Variants in CPNE8 observed in about 807,000 individuals in gnomAD.
CPNE8 encodes copine 8, also known as copine-8.
Under a neutral mutation model 81.5 loss-of-function variants are expected in CPNE8, and 45 were observed. The observed-to-expected ratio is 0.55, with a 90% CI of 0.44 to 0.71. The LOEUF (loss-of-function observed/expected upper bound fraction) is 0.71. CPNE8 is among the 30% of genes least tolerant of loss of function. CPNE8 has a pLI of 0.00. For missense variants in CPNE8, 594 were observed against 672.1 expected, an observed-to-expected ratio of 0.88 and a Z score of 1.28; for synonymous variants, 252 against 226.3, an observed-to-expected ratio of 1.11 and a Z score of -1.02.
chr12:38,783,743 C>T (rs989766628), intron 6 of CPNE8, among the ~76,000 whole-genome samples: 7 of 152,192 alleles, frequency 4.6e-5, no homozygotes, highest in Non-Finnish European at 1.0e-4. Flanking sequence ...ATCCAAAGAA[C>T]TCTTACAGAT....
At chr12:38,875,896 G>A (rs1323162035) in intron 1 of CPNE8, among the ~76,000 whole-genome samples, 1 of 152,154 alleles carries the variant, frequency 6.6e-6, no homozygotes, top group Non-Finnish European at 1.5e-5. Flanking sequence ...TTCCATTTGA[G>A]AAATTACTGT....
chr12:38,805,811 C>CA (rs1942786600), intron 6 of CPNE8, among the ~76,000 whole-genome samples: 1 of 148,868 alleles, frequency 6.7e-6, no homozygotes, highest in East Asian at 2.2e-4. Flanking sequence ...TCAATGAATC[C>CA]AGGAGCTGGT....
rs778133973 is a variant in CPNE8 at position 38,905,500 on chromosome 12, C to T, written c.35G>A (p.Gly12Glu). ...GGCAGCGCTCAGCTGGTTCAAGTCC[C>T]CGATGCCCGCAGTGCTGTTGTAGCG... The part of the protein sequence containing the change: ...DSRYNSTAGI[G>E]DLNQLSAAIP... Residue 12 changes from glycine to glutamate, a missense_variant, in exon 1 of 20, where the codon GGG (glycine) becomes GAG (glutamate). Gly to Glu is a moderately conservative substitution (Grantham distance 98). Transcript: ENST00000331366. 2 of 1,573,804 alleles carry T rather than the reference C, an allele frequency of 1.3e-6. No individual in the cohort carries two copies. Among genetic ancestry groups the T allele is most frequent in the Non-Finnish European group, 1.7e-6 (2 of 1,159,434 alleles).
intron 4 of CPNE8, among the ~76,000 whole-genome samples, chr12:38,847,509 G>A (rs1943578532): frequency 6.6e-6 from 1 of 152,194 alleles, no homozygotes; most frequent in African/African-American, 2.4e-5. Context: ...CTCTTCCAAT[G>A]AGCCTCATTT....
At chr12:38,784,822 GACAA>G (rs1419862919) in intron 6 of CPNE8, among the ~76,000 whole-genome samples, 1 of 152,130 alleles carries the variant, frequency 6.6e-6, no homozygotes, top group Non-Finnish European at 1.5e-5. Flanking sequence ...GAATTTCTCA[GACAA>G]ACAAAATCTT....
At chr12:38,830,270 C>A (rs1943263581) in intron 5 of CPNE8, among the ~76,000 whole-genome samples, 1 of 152,036 alleles carries the variant, frequency 6.6e-6, no homozygotes, top group Non-Finnish European at 1.5e-5. Flanking sequence ...ATGCATACAC[C>A]TACTATGTAC....
At chr12:38,746,911 G>C (rs1042727167) in intron 10 of CPNE8, among the ~76,000 whole-genome samples, 3 of 152,166 alleles carry the variant, frequency 2.0e-5, no homozygotes, top group African/African-American at 7.2e-5. Context: ...GAAATGTAAT[G>C]TATCTTAATT....
intron 19 of CPNE8, among the ~76,000 whole-genome samples, chr12:38,662,316 T>C (rs1291100054): frequency 6.6e-6 from 1 of 152,092 alleles, no homozygotes; most frequent in African/African-American, 2.4e-5. Context: ...AGTCATAAGA[T>C]ACAAAATCAA....
At chr12:38,795,965 A>G (rs1015090768) in intron 6 of CPNE8, among the ~76,000 whole-genome samples, 3 of 152,186 alleles carry the variant, frequency 2.0e-5, no homozygotes, top group Non-Finnish European at 2.9e-5. Flanking sequence ...GTAACATTTT[A>G]AAATCCTGAA....
At chr12:38,902,320 GAAA>G (rs59454604) in intron 1 of CPNE8, among the ~76,000 whole-genome samples, 3,789 of 58,136 alleles carry the variant, frequency 0.065, 192 homozygotes, top group Non-Finnish European at 0.076. Context: ...AGGAAGGAAA[GAAA>G]GAAAGAAAGA....
chr12:38,829,905 C>A (rs753651413), intron 5 of CPNE8, among the ~76,000 whole-genome samples: 45 of 152,108 alleles, frequency 3.0e-4, no homozygotes, highest in Non-Finnish European at 5.0e-4. Flanking sequence ...CCACAGCCAA[C>A]CTGCCAGGTG....
intron 16 of CPNE8, among the ~76,000 whole-genome samples, chr12:38,678,983 T>C (rs1939353147): frequency 6.6e-6 from 1 of 151,894 alleles, no homozygotes; most frequent in Non-Finnish European, 1.5e-5. Context: ...TTTAACTTTT[T>C]TTGTTTTAAA....
intron 5 of CPNE8, among the ~76,000 whole-genome samples, chr12:38,829,827 C>T (rs1206393815): frequency 1.3e-5 from 2 of 152,198 alleles, no homozygotes; most frequent in African/African-American, 2.4e-5. Flanking sequence ...AGAAAGCCCA[C>T]AGCAGAGGTG....
At chr12:38,695,211 A>C (rs1939767434) in intron 14 of CPNE8, among the ~76,000 whole-genome samples, 1 of 152,188 alleles carries the variant, frequency 6.6e-6, no homozygotes. Context: ...TTGAGATGTA[A>C]ATCTTCTACA....
intron 19 of CPNE8, among the ~76,000 whole-genome samples, chr12:38,654,922 G>C (rs1253503314): frequency 2.0e-5 from 3 of 152,026 alleles, no homozygotes; most frequent in African/African-American, 7.3e-5. Context: ...AGACAAAATC[G>C]CATGGACTAT....
intron 6 of CPNE8, among the ~76,000 whole-genome samples, chr12:38,807,499 G>A (rs1190510684): frequency 6.6e-6 from 1 of 150,926 alleles, no homozygotes; most frequent in Non-Finnish European, 1.5e-5. Flanking sequence ...CAAGCAATGG[G>A]GAAAGGATTC....
At position 38,760,888 on chromosome 12, in the gene CPNE8, T is replaced by C; in HGVS notation, c.681A>G (p.Arg227=). ...AGTCATACACCTCTACTTTGATTGT[T>C]CTGTACATGAGAAAAACATACACAT... The part of the protein sequence containing the change: ...VRALCNGDYD[R]TIKVEVYDWD... Residue 227 remains arginine (R), a splice_region_variant and synonymous_variant, in exon 10 of 20, where the codon AGA becomes AGG. Transcript: ENST00000331366. 1 of 1,562,032 alleles carries C rather than the reference T, an allele frequency of 6.4e-7. No homozygotes were observed. Among genetic ancestry groups the C allele is most frequent in the Non-Finnish European group, 8.6e-7 (1 of 1,161,782 alleles).
intron 10 of CPNE8, among the ~76,000 whole-genome samples, chr12:38,735,521 GCTAA>G (rs1343144556): frequency 8.6e-5 from 13 of 151,944 alleles, no homozygotes; most frequent in Admixed American, 4.6e-4. Context: ...CTCTGATTTT[GCTAA>G]CTTTCTTTGC....
At chr12:38,791,572 T>A (rs1942324739) in intron 6 of CPNE8, among the ~76,000 whole-genome samples, 1 of 151,556 alleles carries the variant, frequency 6.6e-6, no homozygotes, top group Non-Finnish European at 1.5e-5. Context: ...GTAAAAAACC[T>A]AAACAAACTA....
Sources: gnomAD v4.1 joint callset for allele counts (sites outside exome capture counted in the v4.1 genomes callset) on GRCh38, gnomAD v4.1.1 for gene constraint, MANE v1.5 for transcripts, NCBI Gene and HGNC (gene_info 2026-07-23, HGNC 2026-07-21) for gene names.